The following FLNB variants were observed in gnomAD, a reference collection of about 807,000 sequenced individuals.
FLNB encodes filamin-B.
In FLNB, 111 loss-of-function variants were observed where a neutral mutation model predicts 250.6. The ratio of observed to expected loss-of-function variants is 0.44; its 90% confidence interval spans 0.38 to 0.52. FLNB has a LOEUF of 0.52. Ranked by LOEUF, FLNB falls within the 20% of genes least tolerant of loss-of-function variation. The pLI, the probability that FLNB is intolerant of heterozygous loss-of-function variation, is 0.00. For missense variants in FLNB, 2,869 were observed against 3,447.8 expected, an observed-to-expected ratio of 0.83 and a Z score of 4.20; for synonymous variants, 1,302 against 1,372.1, an observed-to-expected ratio of 0.95 and a Z score of 1.13.
chr3:58,117,740 C>T (rs999812430), intron 18 of FLNB, among the ~76,000 whole-genome samples: 5 of 151,648 alleles, frequency 3.3e-5, no homozygotes, highest in Admixed American at 3.3e-4. Context: ...GTTTTGTGTG[C>T]AGTGCTTAAA....
chr3:58,160,644 A>C (rs538763684), intron 42 of FLNB, among the ~76,000 whole-genome samples: 49 of 152,308 alleles, frequency 3.2e-4, no homozygotes, highest in African/African-American at 1.1e-3. Flanking sequence ...ACCTATGATT[A>C]CTGCCTTATA....
At chr3:58,056,521 T>C (rs1331355256) in intron 1 of FLNB, among the ~76,000 whole-genome samples, 3 of 152,226 alleles carry the variant, frequency 2.0e-5, no homozygotes, top group Non-Finnish European at 4.4e-5. Flanking sequence ...TAAAATAGTT[T>C]GAAACTTTTT....
intron 1 of FLNB, among the ~76,000 whole-genome samples, chr3:58,048,094 T>C (rs2106828332): frequency 6.6e-6 from 1 of 152,260 alleles, no homozygotes; most frequent in East Asian, 1.9e-4. Flanking sequence ...CCAAGTGTCC[T>C]TTATGACAGT....
At position 58,112,110 on chromosome 3, in the gene FLNB, A is replaced by G. The variant is rs1056440773; in HGVS notation, c.2576-39A>G. Reference sequence around the variant, plus strand: ...CGGGTTCTCAAAGTGAAACTACTCCAGCTGGTCTGTCTCCTCACTTCACAG... The same window carrying G: ...CGGGTTCTCAAAGTGAAACTACTCCGGCTGGTCTGTCTCCTCACTTCACAG... On this transcript the variant is annotated intron_variant, in intron 17 of 45. Coordinates refer to ENST00000295956, the MANE Select transcript of FLNB (RefSeq NM_001457.4). The G allele has an allele frequency of 3.7e-6, 6 of 1,602,690 alleles. No homozygotes were observed. In the African/African-American group the frequency reaches 8.0e-5, roughly 21 times the overall value.
chr3:58,170,492 C>G lies in FLNB; in HGVS notation c.7622-83C>G, dbSNP rs1294565416. On this transcript the variant is annotated intron_variant, in intron 45 of 45. Transcript: ENST00000295956. ...GGCCCCAGCATTATCGTGGAAGCAC[C>G]TTACCTTTGGCTCTCATATTTCCTC... 2.9e-6 allele frequency: 4 copies of G among 1,401,938 alleles called. No individual in the cohort carries two copies. The African/African-American group carries it at 5.7e-5, about 20-fold the overall frequency. The allele number at this position is 1,401,938 out of a possible 1,614,324, so 86.8% of individuals were successfully genotyped here.
At chr3:58,111,398 A>G (rs370703142) in intron 16 of FLNB, among the ~76,000 whole-genome samples, 13 of 152,278 alleles carry the variant, frequency 8.5e-5, no homozygotes, top group African/African-American at 2.9e-4. Flanking sequence ...TCTGTCTCTG[A>G]TCACTTCTTG....
At chr3:58,075,639 T>A (rs1237296128) in intron 1 of FLNB, among the ~76,000 whole-genome samples, 2 of 152,086 alleles carry the variant, frequency 1.3e-5, no homozygotes, top group African/African-American at 4.8e-5. Context: ...GAAAGATGGT[T>A]CTGGGGTTAT....
chr3:58,102,501 G>T (rs193287913), intron 9 of FLNB, among the ~76,000 whole-genome samples, 161 bp downstream of exon 9: 1 of 152,376 alleles, frequency 6.6e-6, no homozygotes, highest in East Asian at 1.9e-4. Context: ...GGCAGTGATT[G>T]ATTAGTAATG....
In FLNB at chr3:58,098,769, G is replaced by A; in HGVS notation, c.1206G>A (p.Val402=). The stretch of plus-strand genomic sequence containing the variant: ...AAGATCCCCAGGGGAAGAACACCGT[G>A]GAGTTGCTCGTGGAAGACAAAGGAA... The part of the protein sequence containing the change: ...EVEDPQGKNT[V]ELLVEDKGNQ... The change falls in exon 8 of 46, where the codon GTG becomes GTA. Residue 402 remains valine, a synonymous_variant. Transcript: ENST00000295956. The A allele has an allele frequency of 6.2e-7, 1 of 1,614,168 alleles. No homozygotes were observed. Among genetic ancestry groups the A allele is most frequent in the South Asian group, 1.1e-5 (1 of 91,076 alleles).
At chr3:58,082,287 G>T (rs1229399707) in intron 4 of FLNB, among the ~76,000 whole-genome samples, 1 of 152,170 alleles carries the variant, frequency 6.6e-6, no homozygotes, top group Non-Finnish European at 1.5e-5. Flanking sequence ...CATTATAGTG[G>T]GTAGAAGCCA....
chr3:58,160,475 A>G (rs891728041), intron 42 of FLNB, among the ~76,000 whole-genome samples: 8 of 152,232 alleles, frequency 5.3e-5, no homozygotes, highest in African/African-American at 1.9e-4. Flanking sequence ...CAAAAAGCAG[A>G]TGATGACCCC....
chr3:58,135,491 T>G (rs2097314433), intron 27 of FLNB, among the ~76,000 whole-genome samples: 1 of 152,210 alleles, frequency 6.6e-6, no homozygotes, highest in Non-Finnish European at 1.5e-5. Context: ...CAGTGGGCTC[T>G]CTTAAGCAGC....
chr3:58,170,456 C>T lies in FLNB; in HGVS notation c.7622-119C>T, dbSNP rs2097380424. 3.2e-6 allele frequency: 3 copies of T among 947,264 alleles called. No individual in the cohort carries two copies. The Admixed American group carries it at 6.0e-5, about 19-fold the overall frequency. The allele number at this position is 947,264 out of a possible 1,614,324, so 58.7% of individuals were successfully genotyped here. On this transcript the variant is annotated intron_variant, in intron 45 of 45. Transcript: ENST00000295956. ...TCTGCTTGTAATTGCCACGCTCTCC[C>T]ACCTCTTAGGGGCCCCAGCATTATC...
chr3:58,023,036 G>A (rs894543449), intron 1 of FLNB, among the ~76,000 whole-genome samples: 6 of 150,948 alleles, frequency 4.0e-5, no homozygotes, highest in Non-Finnish European at 8.8e-5. Flanking sequence ...GCCTGGTCCT[G>A]AACTCCTGAT....
Position 58,135,818 on chromosome 3 carries a change from C to T in FLNB, c.4672-161C>T, listed in dbSNP as rs138793833. Among the ~76,000 whole-genome samples, 26 of 152,310 alleles carry T rather than the reference C, an allele frequency of 1.7e-4. No homozygotes were observed. The East Asian group carries it at 4.8e-3, about 28-fold the overall frequency. ...TGGTGTTAAAGGGATCTGTGACCCT[C>T]TACTCTCCCTACCAAAAAACAAAAC... On this transcript the variant is annotated intron_variant, in intron 27 of 45. Transcript: ENST00000295956.
At chr3:58,102,630 C>T (rs1166103649) in intron 9 of FLNB, among the ~76,000 whole-genome samples, 3 of 152,142 alleles carry the variant, frequency 2.0e-5, no homozygotes, top group African/African-American at 7.2e-5. Context: ...GAACAAGTGG[C>T]TCATTTTTTA....
intron 1 of FLNB, among the ~76,000 whole-genome samples, chr3:58,021,435 G>A (rs1273062799): frequency 6.6e-6 from 1 of 152,158 alleles, no homozygotes; most frequent in Admixed American, 6.5e-5. Flanking sequence ...CTGGGATGGG[G>A]GCCCTCGGTG....
intron 44 of FLNB, chr3:58,168,865 T>C: frequency 1.7e-6 from 1 of 596,736 alleles, no homozygotes; most frequent in Non-Finnish European, 3.0e-6. Context: ...TGAGAAAGCA[T>C]GTTAGGATGT....
intron 4 of FLNB, among the ~76,000 whole-genome samples, chr3:58,084,872 C>G (rs558215639): frequency 3.9e-5 from 6 of 152,030 alleles, no homozygotes; most frequent in Non-Finnish European, 8.8e-5. Context: ...CTGTTAGGTA[C>G]CTCCTAGAAG....
Sources: gnomAD v4.1 joint callset for allele counts (sites outside exome capture counted in the v4.1 genomes callset) on GRCh38, gnomAD v4.1.1 for gene constraint, MANE v1.5 for transcripts, NCBI Gene and HGNC (gene_info 2026-07-23, HGNC 2026-07-21) for gene names.